Variants in ZBTB20 observed in about 807,000 individuals in gnomAD.
ZBTB20 encodes zinc finger and BTB domain containing 20, also known as zinc finger and BTB domain-containing protein 20.
Under a neutral mutation model 56.9 loss-of-function variants are expected in ZBTB20, and 9 were observed. That is an observed-to-expected ratio of 0.16 (90% CI 0.10 to 0.28). The LOEUF is 0.28. Among genes scored for constraint, ZBTB20 ranks in the 10% least tolerant of loss-of-function variants. The probability of loss-of-function intolerance (pLI) is 1.00; values close to 1 mark genes in which losing one functional copy is unlikely to be tolerated. For synonymous variants in ZBTB20, 417 were observed against 420.7 expected (o/e 0.99, Z 0.11); for missense variants, 655 against 1,003.0 (o/e 0.65, Z 4.69).
chr3:114,374,934 T>C (rs904024226), intron 10 of ZBTB20, among the ~76,000 whole-genome samples: 1 of 152,210 alleles, frequency 6.6e-6, no homozygotes, highest in African/African-American at 2.4e-5. Context: ...TTGGAAACTT[T>C]CTGAACATGC....
chr3:114,493,271 C>A (rs1208907160), intron 7 of ZBTB20, among the ~76,000 whole-genome samples: 1 of 152,134 alleles, frequency 6.6e-6, no homozygotes, highest in Non-Finnish European at 1.5e-5. Flanking sequence ...AACCACTGAC[C>A]CACTGAAGAA....
intron 10 of ZBTB20, among the ~76,000 whole-genome samples, chr3:114,352,876 T>A (rs2080824220): frequency 6.6e-6 from 1 of 152,080 alleles, no homozygotes; most frequent in Non-Finnish European, 1.5e-5. Context: ...ATAGGGTGCT[T>A]TATGTACTTG....
intron 7 of ZBTB20, among the ~76,000 whole-genome samples, chr3:114,465,183 G>A (rs1446903008): frequency 6.6e-6 from 1 of 151,994 alleles, no homozygotes; most frequent in Non-Finnish European, 1.5e-5. Context: ...GTTTGTTCTA[G>A]ATTAAGGATT....
At chr3:114,794,238 C>A (rs555837283) in intron 5 of ZBTB20, among the ~76,000 whole-genome samples, 1 of 152,136 alleles carries the variant, frequency 6.6e-6, no homozygotes, top group African/African-American at 2.4e-5. Context: ...ACTCTTTATA[C>A]AGTATCTGGT....
intron 6 of ZBTB20, among the ~76,000 whole-genome samples, chr3:114,518,019 T>C (rs1198628040): frequency 1.3e-5 from 2 of 152,158 alleles, no homozygotes; most frequent in African/African-American, 2.4e-5. Flanking sequence ...TCACAGTCCG[T>C]TCTTTATCAT....
chr3:114,909,194 G>A (rs1166882406), intron 3 of ZBTB20, among the ~76,000 whole-genome samples: 1 of 151,940 alleles, frequency 6.6e-6, no homozygotes, highest in Non-Finnish European at 1.5e-5. Flanking sequence ...GTGGAGGACA[G>A]TGATATGGAT....
intron 7 of ZBTB20, among the ~76,000 whole-genome samples, chr3:114,408,161 C>G (rs930725152): frequency 4.6e-5 from 7 of 152,114 alleles, no homozygotes; most frequent in African/African-American, 1.4e-4. Flanking sequence ...CGTTTTTACC[C>G]ATGTAATCTA....
chr3:114,832,373 T>C (rs1022444923), intron 4 of ZBTB20, among the ~76,000 whole-genome samples: 3 of 152,100 alleles, frequency 2.0e-5, no homozygotes, highest in African/African-American at 4.8e-5. Flanking sequence ...AATTTTATTA[T>C]GACTTAGTAT....
At chr3:114,683,555 A>G (rs917117338) in intron 6 of ZBTB20, among the ~76,000 whole-genome samples, 5 of 152,188 alleles carry the variant, frequency 3.3e-5, no homozygotes, top group Middle Eastern at 3.2e-3. Context: ...ATTGACAATA[A>G]TAAGGATTGG....
intron 7 of ZBTB20, among the ~76,000 whole-genome samples, chr3:114,478,923 G>A (rs574136152): frequency 6.6e-6 from 1 of 152,316 alleles, no homozygotes; most frequent in South Asian, 2.1e-4. Flanking sequence ...AGGGGATGCT[G>A]CAATTCCTCT....
At position 114,635,566 on chromosome 3, in the gene ZBTB20, C is replaced by T. The variant is rs188356119; in HGVS notation, c.-295+57962G>A. On this transcript the variant is annotated intron_variant, in intron 6 of 11. Coordinates refer to ENST00000675478, the MANE Select transcript of ZBTB20 (RefSeq NM_001348800.3). ...GCTAAATAAAATTAGGAAAAAGATA[C>T]AAGAACAAAATGAGAAGTTAAATAA... is the stretch of plus-strand genomic sequence containing the variant. Among the ~76,000 whole-genome samples the T allele has an allele frequency of 7.4e-3, 1,121 of 151,888 alleles. 9 individuals are homozygous for T. Among genetic ancestry groups the T allele is most frequent in the Non-Finnish European group, 0.012 (828 of 67,910 alleles).
At chr3:114,844,550 A>AAAAAAC (rs1560313393) in intron 4 of ZBTB20, among the ~76,000 whole-genome samples, 1 of 141,576 alleles carries the variant, frequency 7.1e-6, no homozygotes, top group Non-Finnish European at 1.5e-5. Flanking sequence ...AAAAAAAAAA[A>AAAAAAC]AACTTTCATT....
At chr3:114,793,621 T>C (rs963189310) in intron 5 of ZBTB20, among the ~76,000 whole-genome samples, 1 of 152,172 alleles carries the variant, frequency 6.6e-6, no homozygotes, top group African/African-American at 2.4e-5. Flanking sequence ...GGGAAGTCTA[T>C]GACAGCAGGT....
intron 2 of ZBTB20, among the ~76,000 whole-genome samples, chr3:115,048,065 C>CA (rs1223104866): frequency 9.3e-4 from 136 of 145,660 alleles, no homozygotes; most frequent in South Asian, 1.5e-3. Flanking sequence ...ACTAAAAATA[C>CA]AAAAAAAAAA....
chr3:114,953,187 C>G (rs1176702595), intron 3 of ZBTB20, among the ~76,000 whole-genome samples: 1 of 151,834 alleles, frequency 6.6e-6, no homozygotes, highest in Non-Finnish European at 1.5e-5. Context: ...TATTGAACAA[C>G]TTTAGAACAA....
chr3:114,815,346 C>T (rs970337601), intron 4 of ZBTB20, among the ~76,000 whole-genome samples: 1 of 151,998 alleles, frequency 6.6e-6, no homozygotes, highest in Non-Finnish European at 1.5e-5. Context: ...TAAAACAGTA[C>T]ACTGAAAATA....
chr3:114,777,304 A>G (rs1462204437), intron 5 of ZBTB20, among the ~76,000 whole-genome samples: 1 of 152,182 alleles, frequency 6.6e-6, no homozygotes, highest in Non-Finnish European at 1.5e-5. Context: ...CAGGACTTCA[A>G]GACCAGCCTG....
chr3:115,065,317 GCTA>G (rs575861876), intron 2 of ZBTB20, among the ~76,000 whole-genome samples: 165 of 152,038 alleles, frequency 1.1e-3, no homozygotes, highest in African/African-American at 3.9e-3. Flanking sequence ...TTCTACTTCA[GCTA>G]CTGTTTTCTA....
chr3:114,759,084 A>T (rs1054444011), intron 5 of ZBTB20: 2 of 152,188 alleles, frequency 1.3e-5, no homozygotes, highest in African/African-American at 4.8e-5. Flanking sequence ...TCTAACTTGC[A>T]TATTCAATAA....
Sources: gnomAD v4.1 joint callset for allele counts (sites outside exome capture counted in the v4.1 genomes callset) on GRCh38, gnomAD v4.1.1 for gene constraint, MANE v1.5 for transcripts, NCBI Gene and HGNC (gene_info 2026-07-23, HGNC 2026-07-21) for gene names.